The following ASTN1 variants were observed in gnomAD, a reference collection of about 807,000 sequenced individuals.
The protein encoded by ASTN1 is astrotactin 1.
ASTN1 carries 41 observed loss-of-function variants against 140.7 expected under a neutral mutation model. That is an observed-to-expected ratio of 0.29 (90% CI 0.23 to 0.38). ASTN1 has a LOEUF of 0.38. Ranked by LOEUF, ASTN1 falls within the 10% of genes least tolerant of loss-of-function variation. The pLI is 1.00. For missense variants in ASTN1, 1,479 were observed against 1,678.8 expected (o/e 0.88, Z 2.08); for synonymous variants, 640 against 652.2 (o/e 0.98, Z 0.29).
chr1:176,888,600 T>C (rs958471209), intron 17 of ASTN1, among the ~76,000 whole-genome samples: 15 of 152,220 alleles, frequency 9.9e-5, no homozygotes, highest in African/African-American at 3.6e-4. Flanking sequence ...ATTTGCCTTT[T>C]CCCAAATGCT....
At chr1:177,004,805 T>A (rs1203855189) in intron 8 of ASTN1, among the ~76,000 whole-genome samples, 1 of 152,168 alleles carries the variant, frequency 6.6e-6, no homozygotes, top group Non-Finnish European at 1.5e-5. Flanking sequence ...TCCCTATCCC[T>A]CACCATACAT....
intron 7 of ASTN1, among the ~76,000 whole-genome samples, chr1:177,016,313 T>TAA (rs35104433): frequency 0.04 from 5,133 of 127,058 alleles, 151 homozygotes; most frequent in Non-Finnish European, 0.064. Context: ...TCTTCATTTG[T>TAA]AAAAAAAAAA....
chr1:176,941,909 C>G lies in ASTN1; in HGVS notation c.2377+1982G>C, dbSNP rs559267339. On this transcript the variant is annotated intron_variant, in intron 14 of 22. Coordinates refer to ENST00000361833, the MANE Select transcript of ASTN1 (RefSeq NM_004319.3). ...GTGTGGCAACAAGGAAACTAGATTCCCTAATGCCAGAGATGCAGGCTTTAG... is the reference window on the plus strand; with the variant it reads ...GTGTGGCAACAAGGAAACTAGATTCGCTAATGCCAGAGATGCAGGCTTTAG... Among the ~76,000 whole-genome samples, 3 of 152,296 alleles carry G rather than the reference C, an allele frequency of 2.0e-5. No homozygotes were observed. The South Asian group carries it at 6.2e-4, about 32-fold the overall frequency.
In ASTN1 at chr1:176,861,683, C is replaced by A; in HGVS notation, c.*2601G>T. On this transcript the variant is annotated 3_prime_UTR_variant, in exon 23 of 23. Transcript: ENST00000361833. Reference sequence around the variant, plus strand: ...AGGAGTTGTGTGCATTGTGTGTGCACACGTGTGTGTGTGTGTACATACATA... The same window carrying A: ...AGGAGTTGTGTGCATTGTGTGTGCAAACGTGTGTGTGTGTGTACATACATA... 1.0e-6 allele frequency: 1 copy of A among 985,268 alleles called. No individual in the cohort carries two copies. 61.0% of individuals were successfully genotyped at this position (985,268 alleles called of 1,614,324 possible).
intron 8 of ASTN1, among the ~76,000 whole-genome samples, chr1:177,008,105 T>A (rs1009426347): frequency 6.6e-6 from 1 of 152,204 alleles, no homozygotes; most frequent in African/African-American, 2.4e-5. Flanking sequence ...TTCTGTTAAG[T>A]CTGTCTGTGG....
chr1:177,039,645 A>G (rs1289300533), intron 2 of ASTN1, among the ~76,000 whole-genome samples: 2 of 152,240 alleles, frequency 1.3e-5, no homozygotes, highest in African/African-American at 4.8e-5. Context: ...TAACAGGGCT[A>G]AACAGCTGTG....
At chr1:177,125,908 CTCTT>C (rs1422606474) in intron 1 of ASTN1, among the ~76,000 whole-genome samples, 3 of 152,140 alleles carry the variant, frequency 2.0e-5, no homozygotes, top group Non-Finnish European at 2.9e-5. Context: ...TAATAATACT[CTCTT>C]TCATTTCTCC....
chr1:176,996,759 A>C (rs1221650580), intron 8 of ASTN1, among the ~76,000 whole-genome samples: 1 of 152,100 alleles, frequency 6.6e-6, no homozygotes, highest in African/African-American at 2.4e-5. Context: ...AAGACTAATG[A>C]CTTCAAAGAG....
intron 1 of ASTN1, among the ~76,000 whole-genome samples, chr1:177,128,817 T>C (rs1285351352): frequency 1.3e-5 from 2 of 152,212 alleles, no homozygotes; most frequent in South Asian, 2.1e-4. Context: ...CAGCAAAGCC[T>C]GGCTCAGCCA....
At chr1:176,930,077 A>T (rs1671142562) in intron 16 of ASTN1, among the ~76,000 whole-genome samples, 1 of 152,232 alleles carries the variant, frequency 6.6e-6, no homozygotes, top group Admixed American at 6.5e-5. Flanking sequence ...GAAGAGGAAG[A>T]GATACACACG....
intron 1 of ASTN1, among the ~76,000 whole-genome samples, chr1:177,148,511 C>T (rs1259320709): frequency 6.6e-6 from 1 of 151,782 alleles, no homozygotes; most frequent in Non-Finnish European, 1.5e-5. Context: ...TCTTTTTATG[C>T]CTTGCTAAGA....
intron 16 of ASTN1, among the ~76,000 whole-genome samples, chr1:176,896,967 A>T (rs1669532384): frequency 6.6e-6 from 1 of 151,880 alleles, no homozygotes; most frequent in African/African-American, 2.4e-5. Context: ...TTGTCAGCAA[A>T]CTCTACTTCA....
chr1:177,003,837 G>T (rs1444040053), intron 8 of ASTN1, among the ~76,000 whole-genome samples: 1 of 150,870 alleles, frequency 6.6e-6, no homozygotes, highest in Admixed American at 6.6e-5. Context: ...AGAAAGAAAA[G>T]AAAAGAAAGG....
rs111671014 is a variant in ASTN1, at chr1:177,071,397, A to T, written c.284-10132T>A. Among the ~76,000 whole-genome samples the T allele has an allele frequency of 3.3e-3, 501 of 152,336 alleles. 5 individuals are homozygous for T. Among genetic ancestry groups the T allele is most frequent in the African/African-American group, 0.011 (474 of 41,582 alleles). ...GAAGAGGGAAGGAGCAAATGGATGCAATATTAAAATAACAGTTATGCTTTT... is the reference window on the plus strand; with the variant it reads ...GAAGAGGGAAGGAGCAAATGGATGCTATATTAAAATAACAGTTATGCTTTT... On this transcript the variant is annotated intron_variant, in intron 1 of 22. Coordinates refer to ENST00000361833, the MANE Select transcript of ASTN1 (RefSeq NM_004319.3).
At chr1:177,157,937 C>T (rs1288241767) in intron 1 of ASTN1, among the ~76,000 whole-genome samples, 1 of 152,076 alleles carries the variant, frequency 6.6e-6, no homozygotes, top group Non-Finnish European at 1.5e-5. Context: ...GTAGCTACAA[C>T]TCATTTATTC....
intron 1 of ASTN1, among the ~76,000 whole-genome samples, chr1:177,069,372 C>A (rs539303772): frequency 1.3e-5 from 2 of 152,104 alleles, no homozygotes; most frequent in Admixed American, 6.6e-5. Flanking sequence ...CCCATCCACC[C>A]GCTTCTCCTT....
chr1:176,913,429 G>C (rs1370405532), intron 16 of ASTN1, among the ~76,000 whole-genome samples: 1 of 152,218 alleles, frequency 6.6e-6, no homozygotes, highest in Non-Finnish European at 1.5e-5. Flanking sequence ...CATTGGGCTA[G>C]GTACTGTGGG....
chr1:177,088,752 A>G (rs908806465), intron 1 of ASTN1, among the ~76,000 whole-genome samples: 2 of 152,192 alleles, frequency 1.3e-5, no homozygotes, highest in African/African-American at 2.4e-5. Context: ...CCCAGAATAA[A>G]CTAATATTCA....
chr1:176,890,166 T>A (rs6679355), intron 17 of ASTN1, among the ~76,000 whole-genome samples: 127,272 of 152,172 alleles, frequency 0.84, 53,376 homozygotes, highest in Middle Eastern at 0.95. Context: ...ACAAACAAAC[T>A]AGCAAAGTTA....
Sources: gnomAD v4.1 joint callset for allele counts (sites outside exome capture counted in the v4.1 genomes callset) on GRCh38, gnomAD v4.1.1 for gene constraint, MANE v1.5 for transcripts, NCBI Gene and HGNC (gene_info 2026-07-23, HGNC 2026-07-21) for gene names.